The following VPS13B variants were observed in gnomAD, a reference collection of about 807,000 sequenced individuals.
The protein encoded by VPS13B is vacuolar protein sorting 13 homolog B, also known as intermembrane lipid transfer protein VPS13B.
A neutral mutation model predicts 426.4 loss-of-function variants in VPS13B; 285 were observed. The ratio of observed to expected loss-of-function variants is 0.67; its 90% confidence interval spans 0.61 to 0.74. The LOEUF (loss-of-function observed/expected upper bound fraction) is 0.74. Ranked by LOEUF, VPS13B falls within the 30% of genes least tolerant of loss-of-function variation. The pLI, the probability that VPS13B is intolerant of heterozygous loss-of-function variation, is 0.00. For missense variants in VPS13B, 4,537 were observed against 4,782.6 expected, an observed-to-expected ratio of 0.95 and a Z score of 1.51; for synonymous variants, 1,676 against 1,676.4, an observed-to-expected ratio of 1.00 and a Z score of 0.01.
At chr8:99,331,563 G>C (rs896211315) in intron 19 of VPS13B, among the ~76,000 whole-genome samples, 4 of 151,662 alleles carry the variant, frequency 2.6e-5, no homozygotes, top group African/African-American at 9.7e-5. Flanking sequence ...TACTTTACTA[G>C]TAAATCAAGA....
chr8:99,720,237 A>G, intron 37 of VPS13B, 108 bp from the exon 38 acceptor site: 1 of 890,872 alleles, frequency 1.1e-6, no homozygotes, highest in Non-Finnish European at 1.7e-6. Context: ...TAAGTAATTA[A>G]ATTGAACATA....
chr8:99,297,455 T>C (rs1056402543), intron 19 of VPS13B, among the ~76,000 whole-genome samples: 1 of 152,210 alleles, frequency 6.6e-6, no homozygotes. Flanking sequence ...TTTAAATAAT[T>C]GTTATATGAA....
At chr8:99,548,504 C>A (rs1824107239) in intron 30 of VPS13B, among the ~76,000 whole-genome samples, 1 of 151,788 alleles carries the variant, frequency 6.6e-6, no homozygotes, top group Admixed American at 6.6e-5. Context: ...AGTTAATGTA[C>A]CCCATAAATT....
At chr8:99,818,966 C>CGGGGG in intron 47 of VPS13B, 78 bp downstream of exon 47, 3 of 93,690 alleles carry the variant, frequency 3.2e-5, no homozygotes, top group African/African-American at 2.6e-4. Context: ...CACTGGGGGG[C>CGGGGG]GGCGGGGGAG....
chr8:99,137,851 C>T (rs1431456306), intron 12 of VPS13B, among the ~76,000 whole-genome samples: 1 of 152,072 alleles, frequency 6.6e-6, no homozygotes, highest in African/African-American at 2.4e-5. Context: ...GACGTTTTTG[C>T]CTCTGTGTCT....
rs545269535 is a variant in VPS13B at position 99,803,823 on chromosome 8, G to A, written c.7942-5552G>A. On this transcript the variant is annotated intron_variant, in intron 43 of 61. Transcript: ENST00000357162. The stretch of plus-strand genomic sequence containing the variant: ...TATTCCAAGCAAGTGATTTAATTTC[G>A]ATTCAATTGACTTTCCAGAGAGTAT... 9.9e-5 allele frequency among the ~76,000 whole-genome samples: 15 copies of A among 152,162 alleles called. No homozygotes were observed. In the East Asian group the frequency reaches 1.5e-3, roughly 16 times the overall value.
chr8:99,590,200 T>G (rs1826553330), intron 33 of VPS13B, among the ~76,000 whole-genome samples: 1 of 152,212 alleles, frequency 6.6e-6, no homozygotes, highest in African/African-American at 2.4e-5. Context: ...TTATCATTTT[T>G]TTATTGCATC....
chr8:99,037,434 A>G (rs1235612025), intron 2 of VPS13B, among the ~76,000 whole-genome samples: 1 of 152,118 alleles, frequency 6.6e-6, no homozygotes, highest in Non-Finnish European at 1.5e-5. Flanking sequence ...CAAATTTTAC[A>G]GATAATGAAA....
rs527665830 is a variant in VPS13B, at chr8:99,193,134, T to A, written c.2515+77T>A. The A allele has an allele frequency of 3.3e-4, 470 of 1,418,472 alleles. No homozygotes were observed. The African/African-American group carries it at 5.2e-3, about 16-fold the overall frequency. 87.9% of individuals were successfully genotyped at this position (1,418,472 alleles called of 1,614,324 possible). A position where few individuals can be genotyped will look rare whatever the true frequency, so the allele number is the denominator to read the frequency against. On this transcript the variant is annotated intron_variant, in intron 17 of 61. Transcript: ENST00000357162. Reference sequence around the variant, plus strand: ...ACTAATATTTTATTATGAAAATCCATATGTCTAGCATGGTCAACTTAAATT... The same window carrying A: ...ACTAATATTTTATTATGAAAATCCAAATGTCTAGCATGGTCAACTTAAATT...
At chr8:99,476,136 A>G (rs971552145) in intron 24 of VPS13B, among the ~76,000 whole-genome samples, 4 of 152,226 alleles carry the variant, frequency 2.6e-5, no homozygotes, top group African/African-American at 9.6e-5. Context: ...ATGTGAGACC[A>G]TCTTTGCAAA....
intron 40 of VPS13B, among the ~76,000 whole-genome samples, chr8:99,772,080 C>G (rs1193403609): frequency 6.6e-6 from 1 of 152,172 alleles, no homozygotes; most frequent in African/African-American, 2.4e-5. Flanking sequence ...GCCATGCAGT[C>G]CTTCTTGCAT....
At chr8:99,617,774 T>G (rs1828159482) in intron 33 of VPS13B, among the ~76,000 whole-genome samples, 1 of 152,248 alleles carries the variant, frequency 6.6e-6, no homozygotes, top group South Asian at 2.1e-4. Context: ...TAAACAATTT[T>G]TCCACCCTAA....
chr8:99,504,171 G>A (rs997616770), intron 27 of VPS13B, among the ~76,000 whole-genome samples: 6 of 152,226 alleles, frequency 3.9e-5, no homozygotes, highest in Middle Eastern at 3.4e-3. Context: ...AAAGAGCATA[G>A]CATCTCCCTG....
chr8:99,466,177 A>AT (rs2133506353), intron 23 of VPS13B, among the ~76,000 whole-genome samples: 1 of 152,214 alleles, frequency 6.6e-6, no homozygotes, highest in South Asian at 2.1e-4. Context: ...TAGGGGAAAA[A>AT]ATATATATGA....
At chr8:99,382,247 A>T (rs1448095731) in intron 19 of VPS13B, among the ~76,000 whole-genome samples, 1 of 152,098 alleles carries the variant, frequency 6.6e-6, no homozygotes, top group African/African-American at 2.4e-5. Flanking sequence ...TATAGATTGA[A>T]ATTGGGTAAT....
In VPS13B at chr8:99,588,249, C is replaced by T. The variant is rs1190363627; in HGVS notation, c.5220+10616C>T. On this transcript the variant is annotated intron_variant, in intron 33 of 61. Transcript: ENST00000357162. ...TGTAGTATAGTTTGAAGTCAGGTAG[C>T]ACGATGCCTCCAGCTTTGTTCTTTT... Among the ~76,000 whole-genome samples the T allele has an allele frequency of 4.0e-5, 6 of 151,678 alleles. No homozygotes were observed. In the South Asian group the frequency reaches 1.0e-3, roughly 26 times the overall value.
intron 39 of VPS13B, among the ~76,000 whole-genome samples, chr8:99,749,597 A>G (rs899155379): frequency 6.6e-5 from 10 of 151,790 alleles, no homozygotes; most frequent in African/African-American, 2.4e-4. Context: ...GCTGAGTAGT[A>G]CTCCATTGTG....
intron 12 of VPS13B, among the ~76,000 whole-genome samples, chr8:99,142,385 T>G (rs1227504389): frequency 2.6e-5 from 4 of 152,184 alleles, no homozygotes; most frequent in Non-Finnish European, 5.9e-5. Context: ...TGCCTATACC[T>G]GGGGCCAATA....
At chr8:99,155,789 A>G (rs1191956419) in intron 14 of VPS13B, among the ~76,000 whole-genome samples, 2 of 152,168 alleles carry the variant, frequency 1.3e-5, no homozygotes, top group Non-Finnish European at 1.5e-5. Context: ...AGACAAAGCA[A>G]TGAAACTGCT....
Sources: allele counts gnomAD v4.1 joint callset (sites outside exome capture counted in the v4.1 genomes callset), GRCh38; gene constraint gnomAD v4.1.1; transcripts MANE v1.5; gene names NCBI Gene and HGNC (gene_info 2026-07-23, HGNC 2026-07-21).